The following PDZRN4 variants were observed in gnomAD, a reference collection of about 807,000 sequenced individuals.
PDZRN4 encodes PDZ domain containing ring finger 4.
In PDZRN4, 70 loss-of-function variants were observed where a neutral mutation model predicts 99.0. The observed-to-expected ratio is 0.71, with a 90% CI of 0.58 to 0.86. The LOEUF (loss-of-function observed/expected upper bound fraction) is 0.86. Among genes scored for constraint, PDZRN4 ranks in the 40% least tolerant of loss-of-function variants. The pLI is 0.00. For synonymous variants in PDZRN4, 551 were observed against 501.6 expected, an observed-to-expected ratio of 1.10 and a Z score of -1.32; for missense variants, 1,474 against 1,331.2, an observed-to-expected ratio of 1.11 and a Z score of -1.67.
At position 41,569,989 on chromosome 12, in the gene PDZRN4, T is replaced by C. The variant is rs534195221; in HGVS notation, c.1584+2090T>C. On this transcript the variant is annotated intron_variant, in intron 9 of 9. Coordinates refer to ENST00000402685, the MANE Select transcript of PDZRN4 (RefSeq NM_001164595.2). ...AAAGTCCTTGCTCCAGGCTTTTTTT[T>C]TCTTAGATACAAAATGTGACCTGAT... 7.2e-5 allele frequency among the ~76,000 whole-genome samples: 11 copies of C among 152,032 alleles called. No individual in the cohort carries two copies. The South Asian group carries it at 8.3e-4, about 11-fold the overall frequency.
chr12:41,459,854 C>A, intron 3 of PDZRN4: 2 of 938,882 alleles, frequency 2.1e-6, no homozygotes, highest in East Asian at 6.8e-5. Context: ...GAAAAAATAC[C>A]CATTAAATTA....
chr12:41,424,176 A>G (rs759367029), intron 3 of PDZRN4, among the ~76,000 whole-genome samples: 3 of 152,204 alleles, frequency 2.0e-5, no homozygotes, highest in Non-Finnish European at 4.4e-5. Flanking sequence ...CTTATGCAAT[A>G]TTTGTTTGCT....
intron 3 of PDZRN4, among the ~76,000 whole-genome samples, chr12:41,198,568 A>G (rs1950793805): frequency 1.4e-5 from 2 of 144,456 alleles, no homozygotes; most frequent in Non-Finnish European, 3.0e-5. Flanking sequence ...TTTTCTTTAG[A>G]AATAGTTCCC....
chr12:41,418,350 T>A (rs760717833), intron 3 of PDZRN4, among the ~76,000 whole-genome samples: 1 of 152,184 alleles, frequency 6.6e-6, no homozygotes, highest in Non-Finnish European at 1.5e-5. Flanking sequence ...CTGAAAAGCA[T>A]AACTGGAAGA....
At chr12:41,206,527 GC>G (rs1950852075) in intron 3 of PDZRN4, among the ~76,000 whole-genome samples, 1 of 150,684 alleles carries the variant, frequency 6.6e-6, no homozygotes, top group Non-Finnish European at 1.5e-5. Context: ...TATTAATTAA[GC>G]TTAATTAATT....
intron 3 of PDZRN4, among the ~76,000 whole-genome samples, chr12:41,403,992 C>A (rs1019190704): frequency 6.6e-6 from 1 of 152,022 alleles, no homozygotes; most frequent in Non-Finnish European, 1.5e-5. Context: ...GATACCAAAA[C>A]GTGCTGATGC....
At chr12:41,556,442 T>A (rs285579) in intron 7 of PDZRN4, among the ~76,000 whole-genome samples, 6 of 152,064 alleles carry the variant, frequency 3.9e-5, no homozygotes, top group Non-Finnish European at 8.8e-5. Context: ...AGGTTACAAA[T>A]CTGTACAGCA....
chr12:41,267,447 C>A (rs1275478295), intron 3 of PDZRN4, among the ~76,000 whole-genome samples: 1 of 151,888 alleles, frequency 6.6e-6, no homozygotes, highest in Non-Finnish European at 1.5e-5. Context: ...CAGAAAAAAA[C>A]AGAAGAGAGA....
At chr12:41,418,183 T>C (rs572894476) in intron 3 of PDZRN4, among the ~76,000 whole-genome samples, 1 of 152,338 alleles carries the variant, frequency 6.6e-6, no homozygotes, top group East Asian at 1.9e-4. Flanking sequence ...AACAAAAGTA[T>C]ATTGATGTTG....
At chr12:41,400,889 C>A (rs1046366594) in intron 3 of PDZRN4, among the ~76,000 whole-genome samples, 1 of 152,130 alleles carries the variant, frequency 6.6e-6, no homozygotes, top group African/African-American at 2.4e-5. Flanking sequence ...GCTTTCCCTG[C>A]ATTTATATCC....
At chr12:41,439,760 T>A (rs1051143796) in intron 3 of PDZRN4, among the ~76,000 whole-genome samples, 1 of 152,202 alleles carries the variant, frequency 6.6e-6, no homozygotes, top group Non-Finnish European at 1.5e-5. Context: ...TTGCAGTACT[T>A]ATGATCTTTA....
At chr12:41,269,498 A>G (rs761028699) in intron 3 of PDZRN4, among the ~76,000 whole-genome samples, 7 of 152,214 alleles carry the variant, frequency 4.6e-5, no homozygotes, top group African/African-American at 1.7e-4. Context: ...TACAAGGAAA[A>G]AAAAGGGAGA....
intron 3 of PDZRN4, among the ~76,000 whole-genome samples, chr12:41,401,996 A>G (rs1592044759): frequency 6.6e-6 from 1 of 150,530 alleles, no homozygotes; most frequent in East Asian, 2.0e-4. Flanking sequence ...AGGTCAGCAT[A>G]AAAGCACCCT....
chr12:41,497,163 G>A (rs1460120335), intron 3 of PDZRN4, among the ~76,000 whole-genome samples: 2 of 152,084 alleles, frequency 1.3e-5, no homozygotes, highest in Admixed American at 1.3e-4. Flanking sequence ...AAAAGATCTT[G>A]TCCAAGGGCT....
intron 3 of PDZRN4, among the ~76,000 whole-genome samples, chr12:41,352,871 G>A (rs1405552): frequency 0.36 from 54,007 of 151,976 alleles, 11,731 homozygotes; most frequent in Middle Eastern, 0.54. Context: ...AACTACACAT[G>A]TGAAAAGGTA....
At position 41,497,616 on chromosome 12, in the gene PDZRN4, G is replaced by A. The variant is rs76275061; in HGVS notation, c.844-8840G>A. Among the ~76,000 whole-genome samples, 1,092 of 152,158 alleles carry A rather than the reference G, an allele frequency of 7.2e-3. 7 individuals carry two copies. Among genetic ancestry groups the A allele is most frequent in the Middle Eastern group, 0.017 (5 of 292 alleles). On this transcript the variant is annotated intron_variant, in intron 3 of 9. Transcript: ENST00000402685. ...CACTTGAGATATAAAAAGTCTTTTT[G>A]TAGTAATGAAAGAACTCCCACAATT...
intron 3 of PDZRN4, among the ~76,000 whole-genome samples, chr12:41,487,251 ATT>A (rs71081746): frequency 3.7e-4 from 55 of 149,608 alleles, no homozygotes; most frequent in East Asian, 7.9e-4. Flanking sequence ...GTGCCCAATA[ATT>A]TTTTTTTTTT....
intron 3 of PDZRN4, among the ~76,000 whole-genome samples, chr12:41,391,339 G>A (rs1248957533): frequency 6.6e-6 from 1 of 152,122 alleles, no homozygotes; most frequent in Non-Finnish European, 1.5e-5. Context: ...TTTTCAAAAA[G>A]CATGAGTTAT....
At chr12:41,200,808 A>T (rs1950810277) in intron 3 of PDZRN4, among the ~76,000 whole-genome samples, 1 of 151,830 alleles carries the variant, frequency 6.6e-6, no homozygotes, top group South Asian at 2.1e-4. Flanking sequence ...TGTCTTTCTT[A>T]TTCCCCTGCA....
Sources: allele counts gnomAD v4.1 joint callset (sites outside exome capture counted in the v4.1 genomes callset), GRCh38; gene constraint gnomAD v4.1.1; transcripts MANE v1.5; gene names NCBI Gene and HGNC (gene_info 2026-07-23, HGNC 2026-07-21).